The following AIG1 variants were observed in gnomAD, a reference collection of about 807,000 sequenced individuals.
The protein encoded by AIG1 is androgen-induced gene 1 protein.
AIG1 carries 23 observed loss-of-function variants against 31.4 expected under a neutral mutation model. The observed-to-expected ratio is 0.73, with a 90% CI of 0.53 to 1.04. The LOEUF is 1.04. Ranked by LOEUF, AIG1 falls within the 50% of genes least tolerant of loss-of-function variation. The pLI is 0.00. For synonymous variants in AIG1, 100 were observed against 110.5 expected (o/e 0.90, Z 0.60); for missense variants, 274 against 295.0 (o/e 0.93, Z 0.52).
chr6:143,109,836 C>G (rs977038117), intron 1 of AIG1, among the ~76,000 whole-genome samples: 4 of 152,116 alleles, frequency 2.6e-5, no homozygotes, highest in African/African-American at 9.7e-5. Flanking sequence ...CTTATCTTCC[C>G]TCTTTATGAC....
At chr6:143,099,442 A>G (rs1271157612) in intron 1 of AIG1, 1 of 152,214 alleles carries the variant, frequency 6.6e-6, no homozygotes, top group Non-Finnish European at 1.5e-5. Context: ...TATGCATGAT[A>G]TGTGCATAAG....
intron 4 of AIG1, among the ~76,000 whole-genome samples, chr6:143,312,708 G>A (rs1442996527): frequency 6.6e-6 from 1 of 151,928 alleles, no homozygotes; most frequent in Non-Finnish European, 1.5e-5. Flanking sequence ...TGGACACATA[G>A]GATCACATCA....
At chr6:143,223,424 G>T (rs1436250674) in intron 3 of AIG1, among the ~76,000 whole-genome samples, 5 of 152,086 alleles carry the variant, frequency 3.3e-5, no homozygotes, top group Admixed American at 3.3e-4. Context: ...CTTGCAATTG[G>T]AAGTTTGAAA....
intron 3 of AIG1, among the ~76,000 whole-genome samples, chr6:143,247,657 A>G (rs1794709958): frequency 1.3e-5 from 2 of 152,160 alleles, no homozygotes; most frequent in Admixed American, 6.5e-5. Context: ...TTCACTGTTA[A>G]TATTATTCCC....
chr6:143,270,914 C>T (rs890439648), intron 3 of AIG1, among the ~76,000 whole-genome samples: 1 of 152,114 alleles, frequency 6.6e-6, no homozygotes, highest in Non-Finnish European at 1.5e-5. Context: ...TATAGGCTTG[C>T]ATGTCGTGTG....
At chr6:143,182,868 T>C (rs1218782367) in intron 3 of AIG1, among the ~76,000 whole-genome samples, 2 of 152,188 alleles carry the variant, frequency 1.3e-5, no homozygotes, top group African/African-American at 2.4e-5. Context: ...TCATTCATTC[T>C]CTCCTCCCCT....
At chr6:143,108,363 G>A (rs1780981418) in intron 1 of AIG1, among the ~76,000 whole-genome samples, 1 of 152,126 alleles carries the variant, frequency 6.6e-6, no homozygotes, top group Non-Finnish European at 1.5e-5. Context: ...CTAAAACCAA[G>A]TGAAAAGACT....
intron 3 of AIG1, among the ~76,000 whole-genome samples, chr6:143,224,830 T>C (rs1216717454): frequency 6.6e-6 from 1 of 152,208 alleles, no homozygotes; most frequent in Non-Finnish European, 1.5e-5. Flanking sequence ...ACCATTGTAA[T>C]GTTCTCCCAA....
intron 3 of AIG1, among the ~76,000 whole-genome samples, chr6:143,196,397 C>CACACACA (rs1790249237): frequency 1.0e-4 from 12 of 119,296 alleles, no homozygotes; most frequent in Non-Finnish European, 2.0e-4. Context: ...ACACACACAC[C>CACACACA]CCAATTTGAT....
intron 2 of AIG1, among the ~76,000 whole-genome samples, chr6:143,162,173 G>C (rs1562443689): frequency 1.3e-5 from 2 of 152,144 alleles, no homozygotes; most frequent in South Asian, 4.1e-4. Flanking sequence ...CTCCACAGTA[G>C]CATCACAAAA....
intron 1 of AIG1, among the ~76,000 whole-genome samples, chr6:143,069,038 G>A (rs1407793985): frequency 6.7e-6 from 1 of 148,488 alleles, no homozygotes; most frequent in Non-Finnish European, 1.5e-5. Flanking sequence ...CTCTTGAAAT[G>A]GAGTCTCACT....
intron 3 of AIG1, among the ~76,000 whole-genome samples, chr6:143,208,105 A>G (rs1401313012): frequency 1.3e-5 from 2 of 152,178 alleles, no homozygotes; most frequent in Non-Finnish European, 2.9e-5. Flanking sequence ...TCATGTGAGT[A>G]AGACTGGCCT....
At chr6:143,228,112 C>T (rs1438356787) in intron 3 of AIG1, among the ~76,000 whole-genome samples, 2 of 152,210 alleles carry the variant, frequency 1.3e-5, no homozygotes, top group Non-Finnish European at 2.9e-5. Context: ...GACCTCCCCT[C>T]ATCCCTGCAC....
chr6:143,119,339 A>G (rs1782044704), intron 1 of AIG1, among the ~76,000 whole-genome samples: 1 of 152,190 alleles, frequency 6.6e-6, no homozygotes, highest in South Asian at 2.1e-4. Context: ...GTATTGTAAT[A>G]ATTTTCAAAG....
At position 143,277,343 on chromosome 6, in the gene AIG1, T is replaced by C. The variant is rs189552864; in HGVS notation, c.400-6767T>C. 4.0e-3 allele frequency among the ~76,000 whole-genome samples: 614 copies of C among 152,202 alleles called. 6 individuals are homozygous for C. The highest frequency in any genetic ancestry group is 5.4e-3 in the Non-Finnish European group (368 of 67,946). ...TATTTACAATATAGCTATAAACTTA[T>C]TGGACCTCCTAGGAACCCTTCCGTA... is the stretch of plus-strand genomic sequence containing the variant. On this transcript the variant is annotated intron_variant, in intron 3 of 5. Coordinates refer to ENST00000357847, the MANE Select transcript of AIG1 (RefSeq NM_016108.4).
intron 3 of AIG1, among the ~76,000 whole-genome samples, chr6:143,207,669 C>G (rs1160977364): frequency 6.6e-6 from 1 of 152,094 alleles, no homozygotes; most frequent in African/African-American, 2.4e-5. Flanking sequence ...AACTCACATT[C>G]TTGGTCATAG....
At chr6:143,246,605 C>T (rs933386408) in intron 3 of AIG1, among the ~76,000 whole-genome samples, 2 of 152,198 alleles carry the variant, frequency 1.3e-5, no homozygotes, top group Non-Finnish European at 2.9e-5. Flanking sequence ...TTGAGCCATT[C>T]ACCACAGAAA....
At chr6:143,145,109 CCA>C (rs1784594314) in intron 2 of AIG1, among the ~76,000 whole-genome samples, 3 of 152,310 alleles carry the variant, frequency 2.0e-5, no homozygotes, top group Admixed American at 2.0e-4. Flanking sequence ...ACTGCAAACT[CCA>C]CCTCTCAGGC....
At chr6:143,308,306 G>T (rs890672237) in intron 4 of AIG1, among the ~76,000 whole-genome samples, 1 of 152,234 alleles carries the variant, frequency 6.6e-6, no homozygotes, top group Non-Finnish European at 1.5e-5. Flanking sequence ...CATCGCTCAC[G>T]CTGGGAGCTG....
Sources: gnomAD v4.1 joint callset for allele counts (sites outside exome capture counted in the v4.1 genomes callset) on GRCh38, gnomAD v4.1.1 for gene constraint, MANE v1.5 for transcripts, NCBI Gene and HGNC (gene_info 2026-07-23, HGNC 2026-07-21) for gene names.